The following HMCN1 variants were observed in gnomAD, a reference collection of about 807,000 sequenced individuals.
The protein encoded by HMCN1 is hemicentin 1, also known as hemicentin-1.
A neutral mutation model predicts 625.9 loss-of-function variants in HMCN1; 321 were observed. The observed-to-expected ratio is 0.51, with a 90% CI of 0.47 to 0.56. The LOEUF is 0.56. Among genes scored for constraint, HMCN1 ranks in the 20% least tolerant of loss-of-function variants. The probability of loss-of-function intolerance (pLI) is 0.00; values close to 1 mark genes in which losing one functional copy is unlikely to be tolerated. For missense variants in HMCN1, 6,588 were observed against 6,887.3 expected (o/e 0.96, Z 1.54); for synonymous variants, 2,425 against 2,417.6 (o/e 1.00, Z -0.09).
At chr1:186,115,215 T>C in intron 74 of HMCN1, 43 bp from the exon 75 acceptor site, 2 of 1,610,028 alleles carry the variant, frequency 1.2e-6, no homozygotes, top group Non-Finnish European at 1.7e-6. Flanking sequence ...TGGCACGCTA[T>C]TTGCTGACTG....
chr1:186,117,703 C>A (rs536799760), intron 77 of HMCN1, 80 bp downstream of exon 77: 3 of 1,360,690 alleles, frequency 2.2e-6, no homozygotes, highest in Middle Eastern at 1.9e-4. Context: ...TTTGTTGCAC[C>A]AGAATAAAAG....
chr1:186,119,439 T>C lies in HMCN1; in HGVS notation c.11956+141T>C. ...GGGGATATGAAAGCCTGGTAGATAC[T>C]TTTAATAGGCTAAAAAAGGCACACA... On this transcript the variant is annotated intron_variant, in intron 78 of 106. Transcript: ENST00000271588. 5.3e-6 allele frequency: 4 copies of C among 757,230 alleles called. No homozygotes were observed. The East Asian group carries it at 7.7e-5, about 15-fold the overall frequency. The allele number at this position is 757,230 out of a possible 1,614,324, so 46.9% of individuals were successfully genotyped here. A position where few individuals can be genotyped will look rare whatever the true frequency, so the allele number is the denominator to read the frequency against.
At chr1:185,898,928 G>A (rs1471544016) in intron 4 of HMCN1, among the ~76,000 whole-genome samples, 1 of 152,026 alleles carries the variant, frequency 6.6e-6, no homozygotes, top group African/African-American at 2.4e-5. Context: ...CATTTGATTG[G>A]TGTGGTAAAT....
chr1:186,176,095 T>C (rs1174792207), intron 103 of HMCN1, among the ~76,000 whole-genome samples: 4 of 152,160 alleles, frequency 2.6e-5, no homozygotes, highest in African/African-American at 9.7e-5. Flanking sequence ...CCTTTTCCAA[T>C]TTATAGGAAG....
chr1:186,144,249 A>C lies in HMCN1; in HGVS notation c.14001A>C (p.Ala4667=). 1 of 1,614,010 alleles carries C rather than the reference A, an allele frequency of 6.2e-7. No individual in the cohort carries two copies. The highest frequency in any genetic ancestry group is 8.5e-7 in the Non-Finnish European group (1 of 1,179,960). Residue 4667 remains alanine, a synonymous_variant, in exon 90 of 107, where the codon GCA becomes GCC. Transcript: ENST00000271588. ...ESCGKGTQTR[A]RLCNNPPPAF... ...GTGGGAAAGGTACTCAGACAAGAGCAAGACTTTGTAATAACCCACCACCAG... is the reference window on the plus strand; with the variant it reads ...GTGGGAAAGGTACTCAGACAAGAGCCAGACTTTGTAATAACCCACCACCAG...
intron 24 of HMCN1, among the ~76,000 whole-genome samples, chr1:185,997,191 A>G (rs1434357132): frequency 6.6e-6 from 1 of 152,126 alleles, no homozygotes; most frequent in Non-Finnish European, 1.5e-5. Context: ...TTGAGGGAAT[A>G]AGGGAACAGA....
At chr1:185,995,975 A>G (rs531215441) in intron 24 of HMCN1, among the ~76,000 whole-genome samples, 21 of 152,214 alleles carry the variant, frequency 1.4e-4, no homozygotes, top group Non-Finnish European at 1.9e-4. Context: ...GTATTAGTAC[A>G]GTACTAAGGT....
chr1:185,751,202 G>A (rs1325552083), intron 1 of HMCN1, among the ~76,000 whole-genome samples: 2 of 151,954 alleles, frequency 1.3e-5, no homozygotes, highest in Non-Finnish European at 2.9e-5. Context: ...GTTTTTTCAG[G>A]GATGACATAC....
intron 4 of HMCN1, among the ~76,000 whole-genome samples, chr1:185,893,318 G>A (rs931292819): frequency 2.0e-5 from 3 of 152,146 alleles, no homozygotes; most frequent in Non-Finnish European, 4.4e-5. Flanking sequence ...TTCCTATTCG[G>A]CCATCTTGGC....
In HMCN1 at chr1:186,019,158, G is replaced by T. The variant is rs1230413460; in HGVS notation, c.5471-383G>T. Reference sequence around the variant, plus strand: ...TACCACTCCACATTCAATCAGCCTTGCAGGGGGCAGAGTCATGCAGTATAA... The same window carrying T: ...TACCACTCCACATTCAATCAGCCTTTCAGGGGGCAGAGTCATGCAGTATAA... On this transcript the variant is annotated intron_variant, in intron 34 of 106. Transcript: ENST00000271588. Among the ~76,000 whole-genome samples the T allele has an allele frequency of 2.6e-5, 4 of 152,006 alleles. 1 individual carries two copies. The highest frequency in any genetic ancestry group is 1.9e-4 in the East Asian group (1 of 5,188).
intron 1 of HMCN1, among the ~76,000 whole-genome samples, chr1:185,774,370 A>G (rs369806850): frequency 6.6e-5 from 10 of 152,196 alleles, no homozygotes; most frequent in Non-Finnish European, 1.2e-4. Flanking sequence ...CAGTTTATCT[A>G]CTACAGGAGG....
At chr1:185,774,783 C>A (rs1016625742) in intron 1 of HMCN1, among the ~76,000 whole-genome samples, 6 of 152,082 alleles carry the variant, frequency 3.9e-5, no homozygotes, top group Admixed American at 1.3e-4. Flanking sequence ...TGTTGAGCAT[C>A]ACATTGTCAG....
chr1:185,977,628 C>CTT (rs1328322828), intron 15 of HMCN1, among the ~76,000 whole-genome samples, 159 bp from the exon 16 acceptor site: 1 of 152,126 alleles, frequency 6.6e-6, no homozygotes, highest in East Asian at 1.9e-4. Context: ...GAAACACCCA[C>CTT]TGTTTTTACC....
intron 1 of HMCN1, among the ~76,000 whole-genome samples, chr1:185,824,349 T>C (rs1220169056): frequency 1.3e-5 from 2 of 152,160 alleles, no homozygotes; most frequent in Non-Finnish European, 2.9e-5. Flanking sequence ...TGTGGCTTTG[T>C]TTGTACCACA....
chr1:185,925,497 T>A (rs929718991), intron 9 of HMCN1, among the ~76,000 whole-genome samples: 9 of 152,180 alleles, frequency 5.9e-5, no homozygotes, highest in African/African-American at 1.7e-4. Context: ...AATACAGAAT[T>A]ATGAAAATGA....
At chr1:185,836,965 T>A (rs1281578946) in intron 1 of HMCN1, among the ~76,000 whole-genome samples, 2 of 151,824 alleles carry the variant, frequency 1.3e-5, no homozygotes, top group African/African-American at 2.4e-5. Context: ...GATCTTGTCC[T>A]TTTTTATGAC....
At chr1:185,792,844 C>A (rs529600962) in intron 1 of HMCN1, among the ~76,000 whole-genome samples, 61 of 152,082 alleles carry the variant, frequency 4.0e-4, no homozygotes, top group Middle Eastern at 3.4e-3. Flanking sequence ...GCAAACTATA[C>A]CAAAATTATT....
intron 62 of HMCN1, 88 bp from the exon 63 acceptor site, chr1:186,088,518 G>A (rs145768138): frequency 3.2e-5 from 47 of 1,482,198 alleles, no homozygotes; most frequent in African/African-American, 9.7e-5. Context: ...CATTTATCAC[G>A]TAAAGTAAGA....
chr1:186,113,381 GAAGAT>G (rs749727895), intron 72 of HMCN1, among the ~76,000 whole-genome samples: 3 of 152,126 alleles, frequency 2.0e-5, no homozygotes, highest in Non-Finnish European at 2.9e-5. Context: ...CAACATCTAG[GAAGAT>G]AATATAGACT....
Sources: gnomAD v4.1 joint callset for allele counts (sites outside exome capture counted in the v4.1 genomes callset) on GRCh38, gnomAD v4.1.1 for gene constraint, MANE v1.5 for transcripts, NCBI Gene and HGNC (gene_info 2026-07-23, HGNC 2026-07-21) for gene names.